The following RANBP2 variants were observed in gnomAD, a reference collection of about 807,000 sequenced individuals.
RANBP2 encodes the protein E3 SUMO-protein ligase RanBP2.
In RANBP2, 57 loss-of-function variants were observed where a neutral mutation model predicts 303.6. The ratio of observed to expected loss-of-function variants is 0.19; its 90% CI spans 0.15 to 0.23. The LOEUF (loss-of-function observed/expected upper bound fraction) is 0.23, where lower values mean the gene tolerates loss of function less well. Ranked by LOEUF, RANBP2 falls within the 10% of genes least tolerant of loss-of-function variation. The pLI, the probability that RANBP2 is intolerant of heterozygous loss-of-function variation, is 1.00. For synonymous variants in RANBP2, 1,167 were observed against 1,301.5 expected, an observed-to-expected ratio of 0.90 and a Z score of 2.23; for missense variants, 3,138 against 3,780.8, an observed-to-expected ratio of 0.83 and a Z score of 4.46.
At chr2:108,917,693 G>A in the RANBP2 span, among the ~76,000 whole-genome samples, 2 of 151,980 alleles carry the variant, frequency 1.3e-5, no homozygotes, top group African/African-American at 2.4e-5. Flanking sequence ...CTGGCTGCAG[G>A]GCTGACCTCA....
the RANBP2 span, among the ~76,000 whole-genome samples, chr2:108,956,861 A>G: frequency 2.0e-5 from 3 of 151,690 alleles, no homozygotes; most frequent in African/African-American, 7.3e-5. Flanking sequence ...CGATCTCAGC[A>G]CACCGCAACC....
At chr2:109,710,575 C>A in the RANBP2 span, among the ~76,000 whole-genome samples, 7 of 152,186 alleles carry the variant, frequency 4.6e-5, no homozygotes, top group Admixed American at 4.6e-4. Context: ...GCCAAAGCCT[C>A]AAGGACACCA....
At chr2:109,457,271 A>T in the RANBP2 span, among the ~76,000 whole-genome samples, 1 of 152,228 alleles carries the variant, frequency 6.6e-6, no homozygotes, top group Admixed American at 6.5e-5. Flanking sequence ...ATCCATACAG[A>T]TGTAAAACTT....
intron 7 of RANBP2, 140 bp downstream of exon 7, chr2:108,740,821 G>A: frequency 7.2e-7 from 1 of 1,385,548 alleles, no homozygotes. Context: ...TGATACAGTG[G>A]AAAATAACTA....
At chr2:108,805,803 A>AT in the RANBP2 span, among the ~76,000 whole-genome samples, 1 of 152,068 alleles carries the variant, frequency 6.6e-6, no homozygotes, top group African/African-American at 2.4e-5. Flanking sequence ...AGTTATGTCT[A>AT]TTTTTTTCCT....
chr2:109,174,060 C>G, the RANBP2 span, among the ~76,000 whole-genome samples: 5 of 152,232 alleles, frequency 3.3e-5, no homozygotes, highest in African/African-American at 7.2e-5. Flanking sequence ...TGGCTGCTCC[C>G]ACAGTGTCCC....
the RANBP2 span, among the ~76,000 whole-genome samples, chr2:109,330,927 G>A: frequency 6.6e-6 from 1 of 152,224 alleles, no homozygotes; most frequent in African/African-American, 2.4e-5. Flanking sequence ...CTTGCACAGT[G>A]TGTGCAGTGG....
chr2:109,672,941 T>C, the RANBP2 span, among the ~76,000 whole-genome samples: 2 of 152,192 alleles, frequency 1.3e-5, no homozygotes, highest in East Asian at 1.9e-4. Flanking sequence ...ATTTAGTCCT[T>C]TGTTTATAGG....
At chr2:109,256,552 T>C in the RANBP2 span, among the ~76,000 whole-genome samples, 1 of 152,176 alleles carries the variant, frequency 6.6e-6, no homozygotes, top group African/African-American at 2.4e-5. Context: ...GAGGGGCTAG[T>C]GTGTAAAGGG....
In RANBP2 at chr2:108,753,127, C is replaced by T; in HGVS notation, c.1885C>T (p.Leu629=). 1 of 1,609,016 alleles carries T rather than the reference C, an allele frequency of 6.2e-7. No homozygotes were observed. Among genetic ancestry groups the T allele is most frequent in the Non-Finnish European group, 8.5e-7 (1 of 1,179,076 alleles). ...CAGTATTCCTGAACCTATTGATCCTCTGTTTAAACATTTTCATAGTGTAGA... is the reference window on the plus strand; with the variant it reads ...CAGTATTCCTGAACCTATTGATCCTTTGTTTAAACATTTTCATAGTGTAGA... ...KNSIPEPIDP[L]FKHFHSVDIQ... The change falls in exon 13 of 29, where the codon CTG becomes TTG. Residue 629 remains leucine, a synonymous_variant. Transcript: ENST00000283195.
At chr2:109,260,213 C>A in the RANBP2 span, among the ~76,000 whole-genome samples, 1 of 152,122 alleles carries the variant, frequency 6.6e-6, no homozygotes, top group Non-Finnish European at 1.5e-5. Context: ...TGATGGTTGG[C>A]AGCCCTGTGA....
At chr2:109,228,894 T>C in the RANBP2 span, among the ~76,000 whole-genome samples, 1 of 152,150 alleles carries the variant, frequency 6.6e-6, no homozygotes, top group East Asian at 1.9e-4. Flanking sequence ...ATCAACACAA[T>C]ATCCAGCCCC....
chr2:109,643,992 G>T, the RANBP2 span, among the ~76,000 whole-genome samples: 1 of 151,406 alleles, frequency 6.6e-6, no homozygotes, highest in Non-Finnish European at 1.5e-5. Flanking sequence ...ATGGTGGCAG[G>T]CGCCTGCAAT....
chr2:109,418,795 A>G, the RANBP2 span, among the ~76,000 whole-genome samples: 1 of 152,178 alleles, frequency 6.6e-6, no homozygotes, highest in Non-Finnish European at 1.5e-5. Flanking sequence ...ACACTGTCCT[A>G]GGGAAGGCCA....
At chr2:108,743,044 C>G (rs564651023) in intron 7 of RANBP2, among the ~76,000 whole-genome samples, 1 of 152,354 alleles carries the variant, frequency 6.6e-6, no homozygotes, top group African/African-American at 2.4e-5. Flanking sequence ...CCACCTTGGC[C>G]TCCCAAAGTG....
chr2:109,022,037 T>G, the RANBP2 span, among the ~76,000 whole-genome samples: 1 of 152,210 alleles, frequency 6.6e-6, no homozygotes, highest in Admixed American at 6.5e-5. Flanking sequence ...TCGAAGGCTT[T>G]CTGGAAAACG....
At chr2:108,901,402 A>G in the RANBP2 span, among the ~76,000 whole-genome samples, 3 of 152,218 alleles carry the variant, frequency 2.0e-5, no homozygotes, top group Non-Finnish European at 2.9e-5. Flanking sequence ...CTAAGCTCCC[A>G]TTTCAAGCAC....
At chr2:108,813,248 CAAAAAAAAAAAAAA>C in the RANBP2 span, among the ~76,000 whole-genome samples, 36 of 63,544 alleles carry the variant, frequency 5.7e-4, no homozygotes, top group African/African-American at 2.4e-3. Flanking sequence ...GACTCCGTCT[CAAAAAAAAAAAAAA>C]AAAAAAAAAA....
the RANBP2 span, among the ~76,000 whole-genome samples, chr2:109,573,768 A>C: frequency 6.6e-6 from 1 of 152,238 alleles, no homozygotes; most frequent in African/African-American, 2.4e-5. Flanking sequence ...TTTTAAACAA[A>C]TATAAAAATC....
Sources: gnomAD v4.1 joint callset for allele counts (sites outside exome capture counted in the v4.1 genomes callset) on GRCh38, gnomAD v4.1.1 for gene constraint, MANE v1.5 for transcripts, NCBI Gene and HGNC (gene_info 2026-07-23, HGNC 2026-07-21) for gene names.